The following PKD1 variants were observed in gnomAD, a reference collection of about 807,000 sequenced individuals.
PKD1 encodes the protein polycystin-1.
A neutral mutation model predicts 361.7 loss-of-function variants in PKD1; 81 were observed. The ratio of observed to expected loss-of-function variants is 0.22; its 90% CI spans 0.19 to 0.27. The LOEUF is 0.27. Ranked by LOEUF, PKD1 falls within the 10% of genes least tolerant of loss-of-function variation. The pLI is 1.00. For synonymous variants in PKD1, 3,615 were observed against 2,818.3 expected (o/e 1.28, Z -8.95); for missense variants, 6,399 against 6,118.3 (o/e 1.05, Z -1.53).
At position 2,106,308 on chromosome 16, in the gene PKD1, A is replaced by C; in HGVS notation, c.7490-4T>G. ...GCATCCTCCGCGTCATGCCAGCCTG[A>C]GGGACGGTCCCCACGGCATCACGGG... On this transcript the variant is annotated splice_region_variant and splice_polypyrimidine_tract_variant and intron_variant, in intron 18 of 45. Coordinates refer to ENST00000262304, the MANE Select transcript of PKD1 (RefSeq NM_001009944.3). The surrounding 1 kb of genome is among the most constrained non-coding windows in gnomAD (Gnocchi z 6.5). 1 of 1,608,876 alleles carries C rather than the reference A, an allele frequency of 6.2e-7. No individual in the cohort carries two copies. Among genetic ancestry groups the C allele is most frequent in the Non-Finnish European group, 8.5e-7 (1 of 1,178,512 alleles).
At chr16:2,105,641 C>T (rs2092311448) in intron 20 of PKD1, 167 bp from the exon 21 acceptor site, 1 of 1,511,038 alleles carries the variant, frequency 6.6e-7, no homozygotes, top group Non-Finnish European at 8.9e-7. Flanking sequence ...AGGGTAAGCA[C>T]ATGGGCCCTC....
intron 26 of PKD1, 40 bp downstream of exon 26, chr16:2,102,021 G>A: frequency 3.1e-6 from 4 of 1,304,078 alleles, no homozygotes; most frequent in African/African-American, 1.5e-5. Context: ...CACAGCCAGT[G>A]AGAGCAGGGG....
In PKD1 at chr16:2,093,102, C is replaced by A; in HGVS notation, c.11017-9G>T. 1 of 1,611,756 alleles carries A rather than the reference C, an allele frequency of 6.2e-7. No homozygotes were observed. The highest frequency in any genetic ancestry group is 8.5e-7 in the Non-Finnish European group (1 of 1,179,752). Reference sequence around the variant, plus strand: ...ATGTACACCAGGAGGCTCTGGTGGACGGGGGGGCCCTGTGGTCAGCCTGGC... The same window carrying A: ...ATGTACACCAGGAGGCTCTGGTGGAAGGGGGGGCCCTGTGGTCAGCCTGGC... On this transcript the variant is annotated splice_polypyrimidine_tract_variant and intron_variant, in intron 37 of 45. Transcript: ENST00000262304.
chr16:2,112,379 G>A lies in PKD1; in HGVS notation c.3256C>T (p.Leu1086=), dbSNP rs554871978. The A allele has an allele frequency of 1.2e-5, 19 of 1,587,394 alleles. No homozygotes were observed. Among genetic ancestry groups the A allele is most frequent in the African/African-American group, 5.5e-5 (4 of 73,382 alleles). Residue 1086 remains leucine (L), a synonymous_variant, in exon 14 of 46, where the codon CTG becomes TTG. Coordinates refer to ENST00000262304, the MANE Select transcript of PKD1 (RefSeq NM_001009944.3). ...GTGTGCATGACATTGTGCTCCACCA[G>A]CACCTGGGCCACCGAGGGGTCTGGA... is the stretch of plus-strand genomic sequence containing the variant. The part of the protein sequence containing the change: ...PVPDPSVAQV[L]VEHNVMHTYA...
Position 2,107,017 on chromosome 16 carries a change from G to A in PKD1, c.7066-69C>T, listed in dbSNP as rs561475423. ...CTGCTGGAAGGACTGGGGGACCCAT[G>A]GAGGATGCTGCTCCCAAACTCCAGG... On this transcript the variant is annotated intron_variant, in intron 16 of 45. Coordinates refer to ENST00000262304, the MANE Select transcript of PKD1 (RefSeq NM_001009944.3). 66 of 1,458,736 alleles carry A rather than the reference G, an allele frequency of 4.5e-5. No homozygotes were observed. The African/African-American group carries it at 8.6e-4, about 19-fold the overall frequency. 90.4% of individuals were successfully genotyped at this position (1,458,736 alleles called of 1,614,324 possible).
chr16:2,092,754 T>C, intron 38 of PKD1, 162 bp from the exon 39 acceptor site: 1 of 831,058 alleles, frequency 1.2e-6, no homozygotes, highest in Non-Finnish European at 2.0e-6. Flanking sequence ...GGCAGACAGT[T>C]GTCTGTCATG....
intron 34 of PKD1, among the ~76,000 whole-genome samples, 159 bp from the exon 35 acceptor site, chr16:2,094,369 G>C (rs2091752650): frequency 6.6e-6 from 1 of 152,200 alleles, no homozygotes; most frequent in Non-Finnish European, 1.5e-5. Context: ...AGTGGGAGTG[G>C]TGCTGGGAGC....
At chr16:2,096,243 G>C (rs1462727277) in intron 34 of PKD1, among the ~76,000 whole-genome samples, 1 of 152,390 alleles carries the variant, frequency 6.6e-6, no homozygotes. Context: ...TGCAGGCCCT[G>C]TGGTGTGGCC....
chr16:2,116,184 A>C (rs1439123534), intron 8 of PKD1, 66 bp from the exon 9 acceptor site: 1 of 1,522,562 alleles, frequency 6.6e-7, no homozygotes, highest in East Asian at 2.3e-5. Flanking sequence ...GACTCCCCCT[A>C]CCCGAACTTC....
intron 1 of PKD1, 35 bp from the exon 2 acceptor site, chr16:2,119,413 C>A: frequency 1.3e-5 from 19 of 1,439,338 alleles, no homozygotes; most frequent in Non-Finnish European, 1.7e-5. Flanking sequence ...AGGGCCAGAG[C>A]CCCTAGTAGG....
Position 2,092,493 on chromosome 16 carries a change from C to A in PKD1, c.11256G>T (p.Val3752=). The stretch of plus-strand genomic sequence containing the variant: ...CTGCCAGCTCACCTTCCTGCAGCCG[C>A]ACCTGCCGCAGCCGTGGGGGCCCCA... ...PELGPPRLRQ[V]RLQEALYPDP... Residue 3752 remains valine, a synonymous_variant, in exon 39 of 46, where the codon GTG becomes GTT. Transcript: ENST00000262304. 6.2e-7 allele frequency: 1 copy of A among 1,607,784 alleles called. No homozygotes were observed. The highest frequency in any genetic ancestry group is 2.2e-5 in the East Asian group (1 of 44,850).
chr16:2,102,795 G>C lies in PKD1; in HGVS notation c.8948+19C>G. ...ATGATGCCCTGCCCTGCCCTGCCAG[G>C]CTGGCCCGCAGAGCTCACCCCGGGG... On this transcript the variant is annotated intron_variant, in intron 24 of 45. Coordinates refer to ENST00000262304, the MANE Select transcript of PKD1 (RefSeq NM_001009944.3). The C allele has an allele frequency of 6.2e-7, 1 of 1,609,780 alleles. No individual in the cohort carries two copies. The highest frequency in any genetic ancestry group is 8.5e-7 in the Non-Finnish European group (1 of 1,179,654).
chr16:2,095,250 C>G (rs1280170683), intron 34 of PKD1: 1 of 152,002 alleles, frequency 6.6e-6, no homozygotes, highest in East Asian at 1.9e-4. Context: ...TCTACTAAAA[C>G]ACACACACAA....
intron 24 of PKD1, 64 bp from the exon 25 acceptor site, chr16:2,102,697 G>A: frequency 1.2e-6 from 2 of 1,609,086 alleles, no homozygotes; most frequent in Non-Finnish European, 1.7e-6. Flanking sequence ...CGCAGTCTCA[G>A]AGCCCATACC....
In PKD1 at chr16:2,106,299, G is replaced by C. The variant is rs1439713011; in HGVS notation, c.7495C>G (p.His2499Asp). The change falls in exon 19 of 46, where the codon CAT becomes GAT. Residue 2499 changes from histidine (H) to aspartate (D), a missense_variant. Physicochemically the swap from His to Asp is moderately conservative, Grantham distance 81. Coordinates refer to ENST00000262304, the MANE Select transcript of PKD1 (RefSeq NM_001009944.3). The surrounding 1 kb of genome is among the most constrained non-coding windows in gnomAD (Gnocchi z 6.5). ...GGGGCGCCAGCATCCTCCGCGTCAT[G>C]CCAGCCTGAGGGACGGTCCCCACGG... is the stretch of plus-strand genomic sequence containing the variant. ...TKVHFECTGW[H>D]DAEDAGAPLV... 1.2e-6 allele frequency: 2 copies of C among 1,609,486 alleles called. No individual in the cohort carries two copies. The highest frequency in any genetic ancestry group is 2.3e-4 in the Middle Eastern group (1 of 4,428).
At chr16:2,091,981 G>A (rs2091607382) in intron 40 of PKD1, 66 bp downstream of exon 40, 4 of 1,612,104 alleles carry the variant, frequency 2.5e-6, no homozygotes, top group Non-Finnish European at 2.5e-6. Context: ...TCAGGAGGCC[G>A]CGGCACTCCT....
chr16:2,106,923 G>C lies in PKD1; in HGVS notation c.7091C>G (p.Pro2364Arg), dbSNP rs573561064. Residue 2364 changes from proline (P) to arginine (R), a missense_variant, in exon 17 of 46, where the codon CCC becomes CGC. By Grantham distance (103) the Pro-to-Arg change is moderately radical. Transcript: ENST00000262304. The surrounding 1 kb of genome is among the most constrained non-coding windows in gnomAD (Gnocchi z 6.5). ...GGACACACACTCCAAGGACACAATG[G>C]GCACCCGGCCACTCCGGATCAGCAC... ...QTVLIRSGRV[P>R]IVSLECVSCK... 1.3e-6 allele frequency: 2 copies of C among 1,577,294 alleles called. No homozygotes were observed. Among genetic ancestry groups the C allele is most frequent in the African/African-American group, 1.4e-5 (1 of 72,620 alleles).
chr16:2,109,649 C>T lies in PKD1; in HGVS notation c.5518G>A (p.Ala1840Thr), dbSNP rs1293558870. The T allele has an allele frequency of 3.1e-6, 5 of 1,593,948 alleles. No individual in the cohort carries two copies. In the African/African-American group the frequency reaches 5.4e-5, roughly 17 times the overall value. The change falls in exon 15 of 46, where the codon GCT becomes ACT. Residue 1840 changes from alanine (A) to threonine (T), a missense_variant. Coordinates refer to ENST00000262304, the MANE Select transcript of PKD1 (RefSeq NM_001009944.3). ...CGCTTGCTGCTGCCGCCGGGCACAG[C>T]CCAGCACCAGCTCACATTGGTGCCC... ...ATGTNVSWCW[A>T]VPGGSSKRGP...
intron 1 of PKD1, among the ~76,000 whole-genome samples, chr16:2,126,934 C>T (rs1303855873): frequency 1.3e-5 from 2 of 152,182 alleles, no homozygotes; most frequent in Non-Finnish European, 2.9e-5. Context: ...CAGCGGTGCC[C>T]GGCCACTGTC....
Sources: allele counts gnomAD v4.1 joint callset (sites outside exome capture counted in the v4.1 genomes callset), GRCh38; gene constraint gnomAD v4.1.1; non-coding constraint Gnocchi (gnomAD v3.1); transcripts MANE v1.5; gene names NCBI Gene and HGNC (gene_info 2026-07-23, HGNC 2026-07-21).